Variants in TTC16 observed in about 807,000 individuals in gnomAD.
TTC16 encodes tetratricopeptide repeat protein 16.
Under a neutral mutation model 80.4 loss-of-function variants are expected in TTC16, and 66 were observed. That is an observed-to-expected ratio of 0.82 (90% CI 0.67 to 1.01). TTC16 has a LOEUF of 1.01. Among genes scored for constraint, TTC16 ranks in the 50% least tolerant of loss-of-function variants. The pLI, the probability that TTC16 is intolerant of heterozygous loss-of-function variation, is 0.00. For missense variants in TTC16, 1,070 were observed against 1,103.2 expected (o/e 0.97, Z 0.43); for synonymous variants, 438 against 451.3 (o/e 0.97, Z 0.37).
intron 11 of TTC16, 78 bp from the exon 12 acceptor site, chr9:127,727,192 C>T (rs1196452626): frequency 4.7e-5 from 71 of 1,519,604 alleles, no homozygotes; most frequent in Non-Finnish European, 5.8e-5. Flanking sequence ...AGCTGCATGA[C>T]GGGGCCGTTG....
chr9:127,724,638 C>T lies in TTC16; in HGVS notation c.1118-118C>T. The T allele has an allele frequency of 4.4e-6, 6 of 1,371,578 alleles. No homozygotes were observed. In the East Asian group the frequency reaches 7.5e-5, roughly 17 times the overall value. 85.0% of individuals were successfully genotyped at this position (1,371,578 alleles called of 1,614,324 possible). A position where few individuals can be genotyped will look rare whatever the true frequency, so the allele number is the denominator to read the frequency against. On this transcript the variant is annotated intron_variant, in intron 8 of 13. Transcript: ENST00000373289. ...AGAAAACTAGAGAGGACGGAGACTG[C>T]GGCGGGGGGTTATCAGCCACCAGTT... is the stretch of plus-strand genomic sequence containing the variant.
rs1427186947 is a variant in TTC16, at chr9:127,730,788, C to T, written c.2005C>T (p.Pro669Ser). The T allele has an allele frequency of 2.5e-6, 4 of 1,613,788 alleles. No homozygotes were observed. Among genetic ancestry groups the T allele is most frequent in the South Asian group, 2.2e-5 (2 of 91,082 alleles). ...GNNREALSHG[P>S]RKIKATQGQR... Reference sequence around the variant, plus strand: ...CAACAGGGAGGCACTAAGCCATGGTCCCAGAAAAATCAAGGCCACCCAGGG... The same window carrying T: ...CAACAGGGAGGCACTAAGCCATGGTTCCAGAAAAATCAAGGCCACCCAGGG... The change falls in exon 14 of 14, where the codon CCC becomes TCC. Residue 669 changes from proline (P) to serine (S), a missense_variant. Physicochemically the swap from Pro to Ser is moderately conservative, Grantham distance 74. Transcript: ENST00000373289.
chr9:127,723,120 C>T lies in TTC16; in HGVS notation c.659C>T (p.Pro220Leu). 6.2e-7 allele frequency: 1 copy of T among 1,610,448 alleles called. No individual in the cohort carries two copies. Among genetic ancestry groups the T allele is most frequent in the Non-Finnish European group, 8.5e-7 (1 of 1,179,686 alleles). ...GATGCCACCCATGGCCTCCTGCAGC[C>T]CCACCTCTGCTACCGGGACCTGCAC... ...RARLYNFLQK[P>L]HLCYRDLHSA... Residue 220 changes from proline (P) to leucine (L), a missense_variant and splice_region_variant, in exon 7 of 14, where the codon CCC becomes CTC. By Grantham distance (98) the Pro-to-Leu change is moderately conservative. Transcript: ENST00000373289.
Position 127,716,305 on chromosome 9 carries a change from C to T in TTC16, c.18+142C>T, listed in dbSNP as rs564144439. 11 of 1,257,616 alleles carry T rather than the reference C, an allele frequency of 8.7e-6. No homozygotes were observed. The South Asian group carries it at 1.4e-4, about 16-fold the overall frequency. 77.9% of individuals were successfully genotyped at this position (1,257,616 alleles called of 1,614,324 possible). ...AAGGCCCTGGCCGCCATGCCAAGAA[C>T]CAGGCATGTGAAAGATCCTTGTAAG... On this transcript the variant is annotated intron_variant, in intron 1 of 13. Coordinates refer to ENST00000373289, the MANE Select transcript of TTC16 (RefSeq NM_144965.3).
chr9:127,727,457 A>G lies in TTC16; in HGVS notation c.1756A>G (p.Lys586Glu). 1 of 1,574,586 alleles carries G rather than the reference A, an allele frequency of 6.4e-7. No homozygotes were observed. Among genetic ancestry groups the G allele is most frequent in the Non-Finnish European group, 8.6e-7 (1 of 1,160,098 alleles). The change falls in exon 12 of 14, where the codon AAA (lysine) becomes GAA (glutamate). Residue 586 changes from lysine to glutamate, a missense_variant. Coordinates refer to ENST00000373289, the MANE Select transcript of TTC16 (RefSeq NM_144965.3). ...PEEEEEKEKEKKEEKKSELIP... is the reference protein window; with the variant it reads ...PEEEEEKEKEEKEEKKSELIP... ...GGAGGAGGAAGAAAAGGAGAAGGAG[A>G]AAAAAGAGGTAAGTGGAGTACAGGC...
At position 127,731,271 on chromosome 9, in the gene TTC16, A is replaced by G. The variant is rs770392363; in HGVS notation, c.2488A>G (p.Lys830Glu). 6.2e-7 allele frequency: 1 copy of G among 1,612,892 alleles called. No individual in the cohort carries two copies. The highest frequency in any genetic ancestry group is 8.5e-7 in the Non-Finnish European group (1 of 1,179,710). Reference sequence around the variant, plus strand: ...CCAAGGCCAGGGCCAGAGGTCCAGCAAGGCTGAGGGTGCCCAGGGCAAGAG... The same window carrying G: ...CCAAGGCCAGGGCCAGAGGTCCAGCGAGGCTGAGGGTGCCCAGGGCAAGAG... ...YAQGQGQRSS[K>E]AEGAQGKSQG... The change falls in exon 14 of 14, where the codon AAG becomes GAG. Residue 830 changes from lysine to glutamate, a missense_variant. By Grantham distance (56) the Lys-to-Glu change is moderately conservative (BLOSUM62 1). Coordinates refer to ENST00000373289, the MANE Select transcript of TTC16 (RefSeq NM_144965.3).
chr9:127,722,011 C>T lies in TTC16; in HGVS notation c.658-1108C>T, dbSNP rs1843552157. The stretch of plus-strand genomic sequence containing the variant: ...TTGGTGACTGTTGTGATTTTAGCCC[C>T]TCCGATACGTAGGCGTGTTCTCAGC... On this transcript the variant is annotated intron_variant, in intron 6 of 13. Coordinates refer to ENST00000373289, the MANE Select transcript of TTC16 (RefSeq NM_144965.3). This position sits in a 1 kb window ranked among gnomAD's most constrained non-coding sequence, Gnocchi z 4.2. Among the ~76,000 whole-genome samples the T allele has an allele frequency of 6.6e-6, 1 of 152,164 alleles. No individual in the cohort carries two copies.
intron 13 of TTC16, 95 bp downstream of exon 13, chr9:127,729,763 CG>C (rs1212672333): frequency 1.8e-6 from 2 of 1,119,444 alleles, no homozygotes; most frequent in Non-Finnish European, 2.6e-6. Flanking sequence ...GGTGTGCGTT[CG>C]GCCCCGCTGC....
intron 10 of TTC16, 112 bp downstream of exon 10, chr9:127,726,516 G>GACCCACCAT: frequency 8.0e-7 from 1 of 1,253,618 alleles, no homozygotes; most frequent in Non-Finnish European, 1.1e-6. Context: ...GGCCAGGCAT[G>GACCCACCAT]GTGGGTCATG....
chr9:127,718,425 C>A lies in TTC16; in HGVS notation c.426+653C>A, dbSNP rs1018658502. Among the ~76,000 whole-genome samples the A allele has an allele frequency of 1.3e-5, 2 of 151,988 alleles. No individual in the cohort carries two copies. The highest frequency in any genetic ancestry group is 4.8e-5 in the African/African-American group (2 of 41,364). ...TTTAATTAATTTAAATGTGTATAGC[C>A]ACACAAAGCTAGTGGCTATTGTCTT... On this transcript the variant is annotated intron_variant, in intron 4 of 13. Coordinates refer to ENST00000373289, the MANE Select transcript of TTC16 (RefSeq NM_144965.3). The surrounding 1 kb of genome is among the most constrained non-coding windows in gnomAD (Gnocchi z 4.6).
At chr9:127,727,249 C>G in intron 11 of TTC16, 21 bp from the exon 12 acceptor site, 2 of 1,543,692 alleles carry the variant, frequency 1.3e-6, no homozygotes, top group Non-Finnish European at 1.7e-6. Flanking sequence ...CTGACAATAC[C>G]TGGGGGGTAT....
At position 127,724,153 on chromosome 9, in the gene TTC16, T is replaced by C. The variant is rs1223718307; in HGVS notation, c.906T>C (p.Asp302=). Residue 302 remains aspartate, a synonymous_variant, in exon 8 of 14, where the codon GAT becomes GAC. Coordinates refer to ENST00000373289, the MANE Select transcript of TTC16 (RefSeq NM_144965.3). ...GTMYRRLQEF[D]GAVEDFLKVL... is the part of the protein sequence containing the mutation. ...TGTACCGACGGCTCCAGGAGTTCGA[T>C]GGGGCAGTGGAGGACTTCCTGAAGG... 2.5e-6 allele frequency: 4 copies of C among 1,612,766 alleles called. No individual in the cohort carries two copies. The highest frequency in any genetic ancestry group is 2.7e-5 in the African/African-American group (2 of 74,888).
chr9:127,726,942 T>A, intron 10 of TTC16, 28 bp from the exon 11 acceptor site: 1 of 1,613,040 alleles, frequency 6.2e-7, no homozygotes, highest in South Asian at 1.1e-5. Flanking sequence ...GGCCCTCACC[T>A]GGCTCTGGTC....
chr9:127,729,336 A>T, intron 12 of TTC16: 1 of 468,546 alleles, frequency 2.1e-6, no homozygotes, highest in South Asian at 2.6e-5. Flanking sequence ...AGTTGAAAAA[A>T]ACCAAGGCGC....
In TTC16 at chr9:127,718,684, C is replaced by T. The variant is rs1006974203; in HGVS notation, c.426+912C>T. Reference sequence around the variant, plus strand: ...ATCTCAGCTCACAACCTCCACCTCCCGGGTTCAAATGATTCTTGTGCCTCA... The same window carrying T: ...ATCTCAGCTCACAACCTCCACCTCCTGGGTTCAAATGATTCTTGTGCCTCA... On this transcript the variant is annotated intron_variant, in intron 4 of 13. Coordinates refer to ENST00000373289, the MANE Select transcript of TTC16 (RefSeq NM_144965.3). This position sits in a 1 kb window ranked among gnomAD's most constrained non-coding sequence, Gnocchi z 4.6. 1.3e-5 allele frequency among the ~76,000 whole-genome samples: 2 copies of T among 151,704 alleles called. No homozygotes were observed. Among genetic ancestry groups the T allele is most frequent in the Non-Finnish European group, 1.5e-5 (1 of 67,910 alleles).
chr9:127,721,680 C>G (rs1217436649), intron 6 of TTC16, among the ~76,000 whole-genome samples: 1 of 152,088 alleles, frequency 6.6e-6, no homozygotes, highest in Non-Finnish European at 1.5e-5. Flanking sequence ...ACAAGCGATT[C>G]AGTGGCATGA....
Position 127,716,840 on chromosome 9 carries a change from C to A in TTC16, c.19-4C>A. 6.2e-7 allele frequency: 1 copy of A among 1,608,866 alleles called. No individual in the cohort carries two copies. Among genetic ancestry groups the A allele is most frequent in the Non-Finnish European group, 8.5e-7 (1 of 1,176,448 alleles). On this transcript the variant is annotated splice_polypyrimidine_tract_variant and splice_region_variant and intron_variant, in intron 1 of 13. Transcript: ENST00000373289. ...TGCTCCAGCTTGCTGTCCTTCGGTTCTAGGATGCCCTGAAGGTTGACCAGG... is the reference window on the plus strand; with the variant it reads ...TGCTCCAGCTTGCTGTCCTTCGGTTATAGGATGCCCTGAAGGTTGACCAGG...
chr9:127,716,584 A>G, intron 1 of TTC16: 2 of 561,734 alleles, frequency 3.6e-6, no homozygotes, highest in Non-Finnish European at 3.2e-6. Context: ...CCTGGGGGAG[A>G]ACAGACGGTG....
chr9:127,728,733 G>GT (rs1844166586), intron 12 of TTC16: 1 of 152,216 alleles, frequency 6.6e-6, no homozygotes, highest in East Asian at 1.9e-4. Flanking sequence ...AGTCATTTGA[G>GT]GCTGCAGTGA....
Sources: allele counts gnomAD v4.1 joint callset (sites outside exome capture counted in the v4.1 genomes callset), GRCh38; gene constraint gnomAD v4.1.1; non-coding constraint Gnocchi (gnomAD v3.1); transcripts MANE v1.5; gene names NCBI Gene and HGNC (gene_info 2026-07-23, HGNC 2026-07-21).